NFATC1: variants seen among roughly 807,000 people sequenced by gnomAD.
The protein encoded by NFATC1 is nuclear factor of activated T cells 1, also known as nuclear factor of activated T-cells, cytoplasmic 1.
In NFATC1, 22 loss-of-function variants were observed where a neutral mutation model predicts 76.0. The ratio of observed to expected loss-of-function variants is 0.29; its 90% CI spans 0.21 to 0.41. The LOEUF is 0.41. NFATC1 is among the 10% of genes least tolerant of loss of function. The pLI is 1.00. For missense variants in NFATC1, 1,357 were observed against 1,337.7 expected (o/e 1.01, Z -0.23); for synonymous variants, 704 against 613.1 (o/e 1.15, Z -2.19).
chr18:79,415,793 G>A (rs1273083850), intron 2 of NFATC1, among the ~76,000 whole-genome samples: 1 of 151,768 alleles, frequency 6.6e-6, no homozygotes, highest in Non-Finnish European at 1.5e-5. Flanking sequence ...CAGGCGCAGT[G>A]GCTCACGCCT....
chr18:79,481,982 C>T (rs546231099), intron 8 of NFATC1, among the ~76,000 whole-genome samples: 5 of 135,462 alleles, frequency 3.7e-5, no homozygotes, highest in African/African-American at 5.8e-5. Context: ...GTCATTCCAG[C>T]GTGACCTGGT....
chr18:79,410,259 C>T lies in NFATC1; in HGVS notation c.128-144C>T, dbSNP rs1217201549. 4.5e-6 allele frequency: 6 copies of T among 1,331,184 alleles called. No individual in the cohort carries two copies. Among genetic ancestry groups the T allele is most frequent in the East Asian group, 4.6e-5 (2 of 43,154 alleles). 82.5% of individuals were successfully genotyped at this position (1,331,184 alleles called of 1,614,324 possible). On this transcript the variant is annotated intron_variant, in intron 1 of 9. Coordinates refer to ENST00000427363, the MANE Select transcript of NFATC1 (RefSeq NM_001278669.2). The surrounding 1 kb of genome is among the most constrained non-coding windows in gnomAD (Gnocchi z 6.7). ...CAAGTCGCCCGGAGCTGTCCGGCAG[C>T]GTGGTCTCAGGGACGTTTGCTGAGG...
intron 7 of NFATC1, among the ~76,000 whole-genome samples, chr18:79,464,694 A>ATATATATATATATATAT (rs1568994689): frequency 9.4e-6 from 1 of 106,714 alleles, no homozygotes; most frequent in Non-Finnish European, 1.8e-5. Context: ...ATATATATAT[A>ATATATATATATATATAT]TTTATTTATT....
chr18:79,431,454 G>A (rs1051567721), intron 2 of NFATC1, among the ~76,000 whole-genome samples: 3 of 152,094 alleles, frequency 2.0e-5, no homozygotes, highest in Admixed American at 1.3e-4. Flanking sequence ...CCCTGGCTCA[G>A]GCGATCCTCC....
At position 79,433,661 on chromosome 18, in the gene NFATC1, C is replaced by T. The variant is rs2277714; in HGVS notation, c.1309C>T (p.His437Tyr). The change falls in exon 3 of 10, where the codon CAC (histidine) becomes TAC (tyrosine). Residue 437 changes from histidine to tyrosine, a missense_variant. By Grantham distance (83) the His-to-Tyr change is moderately conservative. Coordinates refer to ENST00000427363, the MANE Select transcript of NFATC1 (RefSeq NM_001278669.2). ...TCGGATTGAGGTGCAGCCCAAGTCCCACCACCGAGCCCACTACGAGACGGA... is the reference window on the plus strand; with the variant it reads ...TCGGATTGAGGTGCAGCCCAAGTCCTACCACCGAGCCCACTACGAGACGGA... ...ELRIEVQPKSHHRAHYETEGS... is the reference protein window; with the variant it reads ...ELRIEVQPKSYHRAHYETEGS... 16 of 1,613,196 alleles carry T rather than the reference C, an allele frequency of 9.9e-6. No individual in the cohort carries two copies. The East Asian group carries it at 3.6e-4, about 36-fold the overall frequency.
At chr18:79,464,723 T>TTTGA (rs2088377837) in intron 7 of NFATC1, among the ~76,000 whole-genome samples, 1 of 143,980 alleles carries the variant, frequency 6.9e-6, no homozygotes, top group Non-Finnish European at 1.5e-5. Context: ...TTTTTTTTTT[T>TTTGA]GAGACAGGGT....
chr18:79,440,858 TTC>T (rs765825231), intron 3 of NFATC1, among the ~76,000 whole-genome samples: 12 of 151,918 alleles, frequency 7.9e-5, no homozygotes, highest in Middle Eastern at 3.4e-3. Flanking sequence ...GCTGCTTGCT[TTC>T]TTTGTCTGTG....
intron 8 of NFATC1, among the ~76,000 whole-genome samples, chr18:79,485,011 G>A (rs912424225): frequency 1.4e-4 from 22 of 152,246 alleles, no homozygotes; most frequent in African/African-American, 4.6e-4. Context: ...GCTCAAGCCC[G>A]GGGCTAAATA....
chr18:79,436,998 C>T lies in NFATC1; in HGVS notation c.1386+3260C>T, dbSNP rs138668113. ...GAGGCCACCCCCATTACGGCTGCCA[C>T]GGCGCTAAAAACACCAGCATCAAAG... On this transcript the variant is annotated intron_variant, in intron 3 of 9. Transcript: ENST00000427363. Among the ~76,000 whole-genome samples, 143 of 152,298 alleles carry T rather than the reference C, an allele frequency of 9.4e-4. 2 individuals are homozygous for T. In the East Asian group the frequency reaches 0.025, roughly 26 times the overall value.
At chr18:79,517,064 A>G (rs1478382279) in intron 9 of NFATC1, among the ~76,000 whole-genome samples, 2 of 152,246 alleles carry the variant, frequency 1.3e-5, no homozygotes, top group East Asian at 3.8e-4. Flanking sequence ...TTCAACCACC[A>G]TCAAATGGCG....
At chr18:79,471,210 G>A (rs1327714829) in intron 8 of NFATC1, among the ~76,000 whole-genome samples, 2 of 152,204 alleles carry the variant, frequency 1.3e-5, no homozygotes, top group Non-Finnish European at 2.9e-5. Flanking sequence ...AAGGTTGGCA[G>A]TTCCGAGAGG....
chr18:79,521,292 TGTGTGG>T, intron 9 of NFATC1, among the ~76,000 whole-genome samples: 1 of 50,472 alleles, frequency 2.0e-5, no homozygotes, highest in African/African-American at 8.7e-5. Context: ...TGTGTCTGTG[TGTGTGG>T]GGGGGGGCGT....
intron 9 of NFATC1, among the ~76,000 whole-genome samples, chr18:79,522,242 G>C (rs1410618919): frequency 1.5e-5 from 2 of 136,208 alleles, no homozygotes; most frequent in Non-Finnish European, 3.2e-5. Context: ...AGGGGGGGTG[G>C]CATCTGCTGA....
At chr18:79,510,859 TC>T (rs2145172378) in intron 9 of NFATC1, among the ~76,000 whole-genome samples, 1 of 150,302 alleles carries the variant, frequency 6.7e-6, no homozygotes, top group Admixed American at 6.6e-5. Flanking sequence ...TGCCGGGGCA[TC>T]CTCTGCCGGG....
intron 9 of NFATC1, among the ~76,000 whole-genome samples, chr18:79,526,422 G>A (rs925161615): frequency 6.6e-6 from 1 of 152,256 alleles, no homozygotes; most frequent in Non-Finnish European, 1.5e-5. Flanking sequence ...GAGCCCACGC[G>A]TGCCTGTGTC....
At chr18:79,445,101 T>C (rs985389558) in intron 3 of NFATC1, among the ~76,000 whole-genome samples, 1 of 152,250 alleles carries the variant, frequency 6.6e-6, no homozygotes, top group Non-Finnish European at 1.5e-5. Flanking sequence ...GACTACTGGC[T>C]CCATTTTTGA....
At chr18:79,435,686 G>A (rs2086749804) in intron 3 of NFATC1, among the ~76,000 whole-genome samples, 1 of 152,204 alleles carries the variant, frequency 6.6e-6, no homozygotes, top group Admixed American at 6.5e-5. Context: ...CAATACAGAT[G>A]CCACTGAGAG....
chr18:79,451,902 G>A, intron 6 of NFATC1, 86 bp downstream of exon 6: 1 of 1,478,772 alleles, frequency 6.8e-7, no homozygotes, highest in Non-Finnish European at 9.1e-7. Context: ...GGACCCACCT[G>A]TGCACGGTCA....
In NFATC1 at chr18:79,433,744, C is replaced by T. The variant is rs375873739; in HGVS notation, c.1386+6C>T. The T allele has an allele frequency of 2.7e-4, 439 of 1,607,360 alleles. No individual in the cohort carries two copies. The African/African-American group carries it at 5.1e-3, about 19-fold the overall frequency. On this transcript the variant is annotated splice_donor_region_variant and intron_variant, in intron 3 of 9. Transcript: ENST00000427363. ...GAGGACACCCCATCGTGCAGGTAGG[C>T]ACTGCGGCCAGACTCGCACGTCACT... is the stretch of plus-strand genomic sequence containing the variant.
Sources: gnomAD v4.1 joint callset for allele counts (sites outside exome capture counted in the v4.1 genomes callset) on GRCh38, gnomAD v4.1.1 for gene constraint, Gnocchi (gnomAD v3.1) non-coding constraint, MANE v1.5 for transcripts, NCBI Gene and HGNC (gene_info 2026-07-23, HGNC 2026-07-21) for gene names.